Variants in FBXO24 observed in about 807,000 individuals in gnomAD.
FBXO24 encodes the protein F-box only protein 24.
FBXO24 carries 30 observed loss-of-function variants against 63.5 expected under a neutral mutation model. The ratio of observed to expected loss-of-function variants is 0.47; its 90% CI spans 0.35 to 0.64. The LOEUF is 0.64. FBXO24 is among the 30% of genes least tolerant of loss of function. FBXO24 has a pLI of 0.00. For missense variants in FBXO24, 624 were observed against 763.4 expected, an observed-to-expected ratio of 0.82 and a Z score of 2.15; for synonymous variants, 300 against 305.0, an observed-to-expected ratio of 0.98 and a Z score of 0.17.
intron 4 of FBXO24, 156 bp downstream of exon 4, chr7:100,592,058 C>T (rs966701849): frequency 2.8e-5 from 19 of 678,104 alleles, no homozygotes; most frequent in Non-Finnish European, 3.7e-5. Context: ...ACCAGGAGTT[C>T]GAGACCAGCC....
In FBXO24 at chr7:100,595,694, G is replaced by C. The variant is rs148264318; in HGVS notation, c.1194G>C (p.Gly398=). Residue 398 remains glycine, a synonymous_variant, in exon 8 of 10, where the codon GGG becomes GGC. Transcript: ENST00000241071. Reference sequence around the variant, plus strand: ...GAACAGGGGACAAAATGGACCGAGGGGAACCCACACAGGTGAGACTATTTC... The same window carrying C: ...GAACAGGGGACAAAATGGACCGAGGCGAACCCACACAGGTGAGACTATTTC... The part of the protein sequence containing the change: ...QLGTGDKMDR[G]EPTQVCYLQR... The C allele has an allele frequency of 1.9e-6, 3 of 1,606,884 alleles. No individual in the cohort carries two copies. Among genetic ancestry groups the C allele is most frequent in the African/African-American group, 2.7e-5 (2 of 74,632 alleles).
intron 1 of FBXO24, chr7:100,589,391 AG>A (rs1801889065): frequency 8.5e-7 from 1 of 1,181,366 alleles, no homozygotes; most frequent in Non-Finnish European, 1.0e-6. Flanking sequence ...CCTGAAATAA[AG>A]ATGTCACCTA....
At chr7:100,597,893 G>GTTTTTTTTT (rs556578958) in intron 8 of FBXO24, among the ~76,000 whole-genome samples, 5 of 134,820 alleles carry the variant, frequency 3.7e-5, no homozygotes, top group Non-Finnish European at 4.8e-5. Flanking sequence ...TGTTTTTTTT[G>GTTTTTTTTT]TTTTTTTTTT....
chr7:100,587,040 C>T (rs1801793509), intron 1 of FBXO24, among the ~76,000 whole-genome samples: 1 of 152,204 alleles, frequency 6.6e-6, no homozygotes, highest in African/African-American at 2.4e-5. Flanking sequence ...GGGGACCAGA[C>T]CACGGGGTTT....
chr7:100,586,856 CG>C, intron 1 of FBXO24, 192 bp downstream of exon 1: 5 of 263,630 alleles, frequency 1.9e-5, no homozygotes, highest in South Asian at 1.0e-4. Flanking sequence ...GAAGGGGCAG[CG>C]GGGGGACCTC....
Position 100,600,205 on chromosome 7 carries a change from A to G in FBXO24, c.1377+4A>G. ...CTTCGTCAAGCTCCAAGTCAAGGTCAGAGCGGGGTCAGGAGAGTGGGCACC... is the reference window on the plus strand; with the variant it reads ...CTTCGTCAAGCTCCAAGTCAAGGTCGGAGCGGGGTCAGGAGAGTGGGCACC... On this transcript the variant is annotated splice_donor_region_variant and intron_variant, in intron 9 of 9. Coordinates refer to ENST00000241071, the MANE Select transcript of FBXO24 (RefSeq NM_033506.3). This position sits in a 1 kb window ranked among gnomAD's most constrained non-coding sequence, Gnocchi z 6.3. 6.5e-7 allele frequency: 1 copy of G among 1,546,862 alleles called. No homozygotes were observed. The highest frequency in any genetic ancestry group is 8.7e-7 in the Non-Finnish European group (1 of 1,144,062).
chr7:100,596,685 G>A (rs1802323518), intron 8 of FBXO24, among the ~76,000 whole-genome samples: 1 of 152,158 alleles, frequency 6.6e-6, no homozygotes, highest in African/African-American at 2.4e-5. Context: ...GGATACAGGA[G>A]CTATTTGGGA....
intron 1 of FBXO24, chr7:100,589,726 T>A (rs145042937): frequency 0.012 from 18,421 of 1,546,698 alleles, 167 homozygotes; most frequent in Non-Finnish European, 0.012. Flanking sequence ...ATCAGGATGG[T>A]CAGGGGAAGC....
chr7:100,598,484 T>A (rs1015323756), intron 8 of FBXO24, among the ~76,000 whole-genome samples: 13 of 151,734 alleles, frequency 8.6e-5, no homozygotes, highest in African/African-American at 2.7e-4. Context: ...AGTAATGTAA[T>A]AGAGAGAAAA....
rs750598680 is a variant in FBXO24 at position 100,586,663 on chromosome 7, G to T, written c.38G>T (p.Arg13Leu). ...GCGGTCCCTTTGCTAAGGAGGAGGCGGGTGAGCTAGAACTTTAAGACTGAG... is the reference window on the plus strand; with the variant it reads ...GCGGTCCCTTTGCTAAGGAGGAGGCTGGTGAGCTAGAACTTTAAGACTGAG... ...EKAVPLLRRR[R>L]VKRSCPSCGS... The change falls in exon 1 of 10, where the codon CGG (arginine) becomes CTG (leucine). Residue 13 changes from arginine (R) to leucine (L), a missense_variant and splice_region_variant. Arg to Leu is a moderately radical substitution (Grantham distance 102). Transcript: ENST00000241071. 7.4e-6 allele frequency: 12 copies of T among 1,614,072 alleles called. No individual in the cohort carries two copies. The South Asian group carries it at 1.3e-4, about 18-fold the overall frequency.
In FBXO24 at chr7:100,594,629, G is replaced by A. The variant is rs1210402767; in HGVS notation, c.952+88G>A. The A allele has an allele frequency of 7.4e-7, 1 of 1,360,328 alleles. No individual in the cohort carries two copies. Among genetic ancestry groups the A allele is most frequent in the African/African-American group, 1.5e-5 (1 of 67,864 alleles). 84.3% of individuals were successfully genotyped at this position (1,360,328 alleles called of 1,614,324 possible). The stretch of plus-strand genomic sequence containing the variant: ...CCCTTCACCCTTACTCCAGCTGCAT[G>A]GTGAACCCCTGAGGGCATCCTAGTG... On this transcript the variant is annotated intron_variant, in intron 6 of 9. Coordinates refer to ENST00000241071, the MANE Select transcript of FBXO24 (RefSeq NM_033506.3). The surrounding 1 kb of genome is among the most constrained non-coding windows in gnomAD (Gnocchi z 4.2).
At chr7:100,595,756 C>T (rs753107095) in intron 8 of FBXO24, 50 bp downstream of exon 8, 6 of 1,534,726 alleles carry the variant, frequency 3.9e-6, no homozygotes, top group Non-Finnish European at 5.3e-6. Flanking sequence ...CCTCCAATTC[C>T]CTAACCCCCA....
chr7:100,591,561 GGGGA>G, intron 3 of FBXO24, 102 bp from the exon 4 acceptor site: 1 of 953,630 alleles, frequency 1.0e-6, no homozygotes, highest in Non-Finnish European at 1.6e-6. Context: ...TCCTGGGGAT[GGGGA>G]GGAACTACAA....
intron 1 of FBXO24, among the ~76,000 whole-genome samples, chr7:100,587,119 G>GAGGGAAGT (rs1295433439): frequency 2.0e-5 from 3 of 152,202 alleles, no homozygotes; most frequent in Non-Finnish European, 4.4e-5. Context: ...AACTGAGGCA[G>GAGGGAAGT]AGGGAAGTTG....
chr7:100,593,212 T>G, intron 5 of FBXO24, 195 bp downstream of exon 5: 1 of 539,330 alleles, frequency 1.9e-6, no homozygotes, highest in Non-Finnish European at 3.3e-6. Context: ...TAAAAGGCCC[T>G]GTCCAGGTGT....
In FBXO24 at chr7:100,600,099, C is replaced by T. The variant is rs368938674; in HGVS notation, c.1275C>T (p.Ser425=). 1.1e-4 allele frequency: 180 copies of T among 1,609,842 alleles called. No homozygotes were observed. The highest frequency in any genetic ancestry group is 1.5e-4 in the Non-Finnish European group (175 of 1,178,916). ...GLNHSLVLSQ[S]SEFSKELLGC... Reference sequence around the variant, plus strand: ...ACCACTCCCTGGTGCTGAGCCAGAGCTCAGAGTTCAGCAAGGAGCTGCTGG... The same window carrying T: ...ACCACTCCCTGGTGCTGAGCCAGAGTTCAGAGTTCAGCAAGGAGCTGCTGG... The change falls in exon 9 of 10, where the codon AGC becomes AGT. Residue 425 remains serine, a synonymous_variant. Coordinates refer to ENST00000241071, the MANE Select transcript of FBXO24 (RefSeq NM_033506.3). This position sits in a 1 kb window ranked among gnomAD's most constrained non-coding sequence, Gnocchi z 6.3.
chr7:100,595,030 A>C, intron 6 of FBXO24, 72 bp from the exon 7 acceptor site: 1 of 1,588,750 alleles, frequency 6.3e-7, no homozygotes, highest in Non-Finnish European at 8.6e-7. Context: ...TGTAGCTTTC[A>C]TCCCAGGTGG....
At chr7:100,591,030 G>GTTTTT (rs1801991362) in intron 3 of FBXO24, among the ~76,000 whole-genome samples, 2 of 115,906 alleles carry the variant, frequency 1.7e-5, no homozygotes, top group African/African-American at 6.4e-5. Flanking sequence ...CTTTTTCTTT[G>GTTTTT]ATTTTTTTTT....
At position 100,586,572 on chromosome 7, in the gene FBXO24, G is replaced by A. The variant is rs1388750895; in HGVS notation, c.-54G>A. On this transcript the variant is annotated 5_prime_UTR_variant, in exon 1 of 10. Coordinates refer to ENST00000241071, the MANE Select transcript of FBXO24 (RefSeq NM_033506.3). The stretch of plus-strand genomic sequence containing the variant: ...GTCAAGAAGGCCAATTAGAGCCTCC[G>A]AAGGGAATCTGGACCTGCCTCTTCT... 31 of 1,598,940 alleles carry A rather than the reference G, an allele frequency of 1.9e-5. No homozygotes were observed. Among genetic ancestry groups the A allele is most frequent in the South Asian group, 8.8e-5 (8 of 90,536 alleles).
Sources: gnomAD v4.1 joint callset for allele counts (sites outside exome capture counted in the v4.1 genomes callset) on GRCh38, gnomAD v4.1.1 for gene constraint, Gnocchi (gnomAD v3.1) non-coding constraint, MANE v1.5 for transcripts, NCBI Gene and HGNC (gene_info 2026-07-23, HGNC 2026-07-21) for gene names.